Variants in SLAIN1 observed in about 807,000 individuals in gnomAD.
SLAIN1 encodes SLAIN motif-containing protein 1.
Under a neutral mutation model 55.4 loss-of-function variants are expected in SLAIN1, and 17 were observed. The observed-to-expected ratio is 0.31, with a 90% confidence interval of 0.21 to 0.46. The LOEUF (loss-of-function observed/expected upper bound fraction) is 0.46, where lower values mean the gene tolerates loss of function less well. Ranked by LOEUF, SLAIN1 falls within the 20% of genes least tolerant of loss-of-function variation. The pLI, the probability that SLAIN1 is intolerant of heterozygous loss-of-function variation, is 1.00. For synonymous variants in SLAIN1, 348 were observed against 337.4 expected (o/e 1.03, Z -0.35); for missense variants, 682 against 785.1 (o/e 0.87, Z 1.57).
chr13:77,714,230 G>T lies in SLAIN1; in HGVS notation c.627-5302G>T, dbSNP rs76436199. Among the ~76,000 whole-genome samples the T allele has an allele frequency of 2.4e-3, 361 of 152,260 alleles. 2 individuals carry two copies. Among genetic ancestry groups the T allele is most frequent in the African/African-American group, 7.8e-3 (324 of 41,558 alleles). On this transcript the variant is annotated intron_variant, in intron 1 of 6. Transcript: ENST00000418532. Reference sequence around the variant, plus strand: ...ATTGAGATAAGGAAACTCCACAGTTGACTAACTAGTGGCTCATTTCTGTCA... The same window carrying T: ...ATTGAGATAAGGAAACTCCACAGTTTACTAACTAGTGGCTCATTTCTGTCA...
At chr13:77,724,036 A>G (rs959759384) in intron 2 of SLAIN1, among the ~76,000 whole-genome samples, 1 of 152,104 alleles carries the variant, frequency 6.6e-6, no homozygotes, top group African/African-American at 2.4e-5. Context: ...AGTGAACAGC[A>G]CAGGTATTAA....
intron 5 of SLAIN1, among the ~76,000 whole-genome samples, chr13:77,757,474 G>A (rs1055339560): frequency 6.6e-6 from 1 of 151,530 alleles, no homozygotes; most frequent in Non-Finnish European, 1.5e-5. Flanking sequence ...GGTATAGCTG[G>A]TTTTTGGTTA....
At chr13:77,742,325 A>G (rs1209035997) in intron 2 of SLAIN1, among the ~76,000 whole-genome samples, 1 of 152,024 alleles carries the variant, frequency 6.6e-6, no homozygotes, top group Non-Finnish European at 1.5e-5. Flanking sequence ...TTTAATGCAG[A>G]TAATTTGGAA....
At chr13:77,749,844 A>C (rs941832007) in intron 4 of SLAIN1, among the ~76,000 whole-genome samples, 1 of 152,166 alleles carries the variant, frequency 6.6e-6, no homozygotes, top group African/African-American at 2.4e-5. Flanking sequence ...GGAAGACCTT[A>C]TTTTTAAGAG....
rs2090998201 is a variant in SLAIN1, at chr13:77,698,602, C to CGGGGGCG, written c.626+72_626+78dup. 23 of 1,335,562 alleles carry CGGGGGCG rather than the reference C, an allele frequency of 1.7e-5. No individual in the cohort carries two copies. The highest frequency in any genetic ancestry group is 2.2e-5 in the Non-Finnish European group (23 of 1,047,540). 82.7% of individuals were successfully genotyped at this position (1,335,562 alleles called of 1,614,324 possible). Reference sequence around the variant, plus strand: ...CTCGGGGGCTTCGGGCACCGGGGAGCGGGGGCGGGGGGCGGACGGGGGTCC... The same window carrying CGGGGGCG: ...CTCGGGGGCTTCGGGCACCGGGGAGCGGGGGCGGGGGGCGGGGGGCGGACGGGGGTCC... On this transcript the variant is annotated intron_variant, in intron 1 of 6. Transcript: ENST00000418532. This position sits in a 1 kb window ranked among gnomAD's most constrained non-coding sequence, Gnocchi z 4.1.
At position 77,719,680 on chromosome 13, in the gene SLAIN1, G is replaced by A; in HGVS notation, c.766+9G>A. 6.2e-7 allele frequency: 1 copy of A among 1,612,272 alleles called. No individual in the cohort carries two copies. The highest frequency in any genetic ancestry group is 8.5e-7 in the Non-Finnish European group (1 of 1,179,006). ...CTTTAGACTGGAGCAAGGTAATTGTGAGTGTGTGCATTTACATTCTCCAAC... is the reference window on the plus strand; with the variant it reads ...CTTTAGACTGGAGCAAGGTAATTGTAAGTGTGTGCATTTACATTCTCCAAC... On this transcript the variant is annotated intron_variant, in intron 2 of 6. Transcript: ENST00000418532.
intron 4 of SLAIN1, among the ~76,000 whole-genome samples, chr13:77,752,940 A>G (rs1242439282): frequency 6.6e-6 from 1 of 152,188 alleles, no homozygotes; most frequent in Non-Finnish European, 1.5e-5. Flanking sequence ...ACCCTCACAG[A>G]CACACCCAGG....
chr13:77,746,905 G>A, intron 4 of SLAIN1, 50 bp downstream of exon 4: 1 of 1,462,420 alleles, frequency 6.8e-7, no homozygotes, highest in African/African-American at 1.4e-5. Flanking sequence ...TTTTTTATAT[G>A]TGGTCAAGAA....
Position 77,753,373 on chromosome 13 carries a change from T to A in SLAIN1, c.1414+15T>A. On this transcript the variant is annotated intron_variant, in intron 5 of 6. Transcript: ENST00000418532. Reference sequence around the variant, plus strand: ...ACAATCTTGTAGTGAGTATAATTATTTGATATAATTATATATTGTATAATT... The same window carrying A: ...ACAATCTTGTAGTGAGTATAATTATATGATATAATTATATATTGTATAATT... 9.5e-6 allele frequency: 13 copies of A among 1,362,722 alleles called. No individual in the cohort carries two copies. Among genetic ancestry groups the A allele is most frequent in the Non-Finnish European group, 1.3e-5 (13 of 1,012,648 alleles). 84.4% of individuals were successfully genotyped at this position (1,362,722 alleles called of 1,614,324 possible). A position where few individuals can be genotyped will look rare whatever the true frequency, so the allele number is the denominator to read the frequency against.
chr13:77,708,058 A>G (rs1144371), intron 1 of SLAIN1, among the ~76,000 whole-genome samples: 25,498 of 152,134 alleles, frequency 0.17, 2,522 homozygotes, highest in African/African-American at 0.29. Context: ...ATAGTACCAG[A>G]CAATAGGAAT....
chr13:77,716,298 T>C (rs748878722), intron 1 of SLAIN1, among the ~76,000 whole-genome samples: 6 of 151,392 alleles, frequency 4.0e-5, no homozygotes, highest in Non-Finnish European at 8.8e-5. Context: ...TTTTCATTAC[T>C]GTCATGAGCT....
chr13:77,744,663 G>A, intron 3 of SLAIN1: 2 of 651,396 alleles, frequency 3.1e-6, no homozygotes, highest in South Asian at 4.0e-5. Flanking sequence ...TATTGTCACT[G>A]TGGAAACAGA....
intron 5 of SLAIN1, among the ~76,000 whole-genome samples, chr13:77,760,176 T>A (rs911601187): frequency 1.6e-4 from 25 of 152,194 alleles, no homozygotes; most frequent in Non-Finnish European, 7.3e-5. Flanking sequence ...TTAAAAAATT[T>A]AAAAACTTCT....
At chr13:77,744,152 T>C in intron 2 of SLAIN1, 131 bp from the exon 3 acceptor site, 1 of 724,386 alleles carries the variant, frequency 1.4e-6, no homozygotes, top group Non-Finnish European at 2.5e-6. Flanking sequence ...GACCATTAAA[T>C]GGTGACATGT....
At chr13:77,716,535 C>T (rs1339860605) in intron 1 of SLAIN1, among the ~76,000 whole-genome samples, 1 of 152,094 alleles carries the variant, frequency 6.6e-6, no homozygotes, top group African/African-American at 2.4e-5. Flanking sequence ...GTTATGTCCT[C>T]TTTAATTCTC....
chr13:77,719,779 G>A (rs903569820), intron 2 of SLAIN1, 108 bp downstream of exon 2: 7 of 1,264,004 alleles, frequency 5.5e-6, no homozygotes, highest in South Asian at 1.5e-5. Context: ...TTACCCTGAG[G>A]TGCAGCTGTT....
intron 2 of SLAIN1, among the ~76,000 whole-genome samples, chr13:77,726,645 C>T (rs767366808): frequency 5.3e-5 from 8 of 152,250 alleles, no homozygotes; most frequent in Non-Finnish European, 1.0e-4. Flanking sequence ...ATATTGAACT[C>T]CTGGGCTCAA....
intron 6 of SLAIN1, 115 bp from the exon 7 acceptor site, chr13:77,763,030 G>C (rs1340082820): frequency 2.5e-6 from 2 of 802,776 alleles, no homozygotes; most frequent in Non-Finnish European, 4.1e-6. Context: ...GATGGTGCCA[G>C]TGGCTTCTCA....
intron 1 of SLAIN1, among the ~76,000 whole-genome samples, chr13:77,702,687 C>T (rs1395920633): frequency 2.0e-5 from 3 of 150,936 alleles, no homozygotes; most frequent in African/African-American, 7.4e-5. Flanking sequence ...GATTATTTGT[C>T]CAGATTCAGA....
Sources: allele counts gnomAD v4.1 joint callset (sites outside exome capture counted in the v4.1 genomes callset), GRCh38; gene constraint gnomAD v4.1.1; non-coding constraint Gnocchi (gnomAD v3.1); transcripts MANE v1.5; gene names NCBI Gene and HGNC (gene_info 2026-07-23, HGNC 2026-07-21).